EPS15L1: variants seen among roughly 807,000 people sequenced by gnomAD.
EPS15L1 encodes the protein epidermal growth factor receptor pathway substrate 15 like 1, also known as epidermal growth factor receptor substrate 15-like 1.
Under a neutral mutation model 117.1 loss-of-function variants are expected in EPS15L1, and 43 were observed. That is an observed-to-expected ratio of 0.37 (90% confidence interval 0.29 to 0.47). The LOEUF (loss-of-function observed/expected upper bound fraction) is 0.47. Among genes scored for constraint, EPS15L1 ranks in the 20% least tolerant of loss-of-function variants. The pLI is 0.99. For missense variants in EPS15L1, 981 were observed against 1,164.0 expected (o/e 0.84, Z 2.29); for synonymous variants, 459 against 470.5 (o/e 0.98, Z 0.32).
chr19:16,434,090 C>T (rs1236652915), intron 7 of EPS15L1, among the ~76,000 whole-genome samples: 24 of 152,206 alleles, frequency 1.6e-4, no homozygotes, highest in Non-Finnish European at 3.5e-4. Flanking sequence ...TCCCAAAGCC[C>T]CAGGCAGCAA....
rs879690142 is a variant in EPS15L1, at chr19:16,401,390, TTCCAGGGAGGAAGAGGAA to T, written c.1791+913_1791+930del. On this transcript the variant is annotated intron_variant, in intron 16 of 23. Transcript: ENST00000455140. ...TAGAGAGCACGAGCGCTCACTCTTA[TTCCAGGGAGGAAGAGGAA>T]TCCATGACGTACAGAGGCCCAGGAG... 6.8e-5 allele frequency: 67 copies of T among 985,428 alleles called. No individual in the cohort carries two copies. The African/African-American group carries it at 1.1e-3, about 17-fold the overall frequency. 61.0% of individuals were successfully genotyped at this position (985,428 alleles called of 1,614,324 possible).
intron 18 of EPS15L1, 65 bp from the exon 19 acceptor site, chr19:16,392,505 C>G: frequency 6.9e-7 from 1 of 1,449,936 alleles, no homozygotes; most frequent in Non-Finnish European, 9.6e-7. Flanking sequence ...CATAAAAGAA[C>G]ACATCACAGA....
At chr19:16,450,075 C>A (rs1249583990) in intron 1 of EPS15L1, among the ~76,000 whole-genome samples, 1 of 149,950 alleles carries the variant, frequency 6.7e-6, no homozygotes, top group African/African-American at 2.5e-5. Context: ...TCAACAAGAC[C>A]CTATCTCTAC....
At chr19:16,417,076 G>A (rs928707600) in intron 12 of EPS15L1, among the ~76,000 whole-genome samples, 1 of 152,242 alleles carries the variant, frequency 6.6e-6, no homozygotes, top group Non-Finnish European at 1.5e-5. Flanking sequence ...TAGCACTGGG[G>A]AGGGGCTGAT....
Position 16,365,418 on chromosome 19 carries a change from C to G in EPS15L1, c.2381-3434G>C, listed in dbSNP as rs1360027790. ...TTAGGACACAGATCTACACACAGAA[C>G]AGCAATGTGAAGATGCACCAGGCCA... On this transcript the variant is annotated intron_variant, in intron 22 of 23. Coordinates refer to ENST00000455140, the MANE Select transcript of EPS15L1 (RefSeq NM_001258374.3). This position sits in a 1 kb window ranked among gnomAD's most constrained non-coding sequence, Gnocchi z 4.9. Among the ~76,000 whole-genome samples, 2 of 152,242 alleles carry G rather than the reference C, an allele frequency of 1.3e-5. No individual in the cohort carries two copies. The highest frequency in any genetic ancestry group is 4.8e-5 in the African/African-American group (2 of 41,462).
intron 1 of EPS15L1, among the ~76,000 whole-genome samples, chr19:16,447,760 C>T (rs1244923316): frequency 1.4e-5 from 2 of 144,826 alleles, no homozygotes; most frequent in Non-Finnish European, 3.0e-5. Context: ...ACTTCATCTT[C>T]GGAAAAAAAA....
chr19:16,453,095 C>T (rs1233960600), intron 1 of EPS15L1, among the ~76,000 whole-genome samples: 7 of 152,006 alleles, frequency 4.6e-5, no homozygotes, highest in South Asian at 2.1e-4. Context: ...CCACCGCGCC[C>T]GGGCTTTATT....
At chr19:16,470,795 C>T (rs1200874455) in intron 1 of EPS15L1, among the ~76,000 whole-genome samples, 1 of 152,160 alleles carries the variant, frequency 6.6e-6, no homozygotes, top group African/African-American at 2.4e-5. Flanking sequence ...TCCCAAACGT[C>T]CAAATCTGGC....
In EPS15L1 at chr19:16,402,407, C is replaced by G; in HGVS notation, c.1705G>C (p.Asp569His). The change falls in exon 16 of 24, where the codon GAT becomes CAT. Residue 569 changes from aspartate to histidine, a missense_variant. Coordinates refer to ENST00000455140, the MANE Select transcript of EPS15L1 (RefSeq NM_001258374.3). ...RSLEQYDQVL[D>H]GAHGASLTDL... ...GTCAGGCTGGCACCATGGGCTCCATCGAGCACCTGGTCATACTGCTCCAGG... is the reference window on the plus strand; with the variant it reads ...GTCAGGCTGGCACCATGGGCTCCATGGAGCACCTGGTCATACTGCTCCAGG... The G allele has an allele frequency of 6.2e-7, 1 of 1,614,072 alleles. No individual in the cohort carries two copies. The highest frequency in any genetic ancestry group is 8.5e-7 in the Non-Finnish European group (1 of 1,179,998).
At chr19:16,412,680 C>A (rs2092718016) in intron 13 of EPS15L1, 1 of 130,074 alleles carries the variant, frequency 7.7e-6, no homozygotes, top group African/African-American at 3.6e-5. Context: ...CGAGAAAACA[C>A]CGAATGGCGG....
intron 9 of EPS15L1, among the ~76,000 whole-genome samples, chr19:16,424,169 T>C (rs918425920): frequency 2.6e-5 from 4 of 152,052 alleles, no homozygotes; most frequent in African/African-American, 9.7e-5. Flanking sequence ...GAGGGCAAAA[T>C]CGGGTGGCCC....
rs2092774911 is a variant in EPS15L1, at chr19:16,417,914, TCAATACCCCCAGGG to T, written c.1107+20_1107+33del. On this transcript the variant is annotated intron_variant, in intron 11 of 23. Coordinates refer to ENST00000455140, the MANE Select transcript of EPS15L1 (RefSeq NM_001258374.3). The stretch of plus-strand genomic sequence containing the variant: ...TGGTGGCAGGCGGTGGGAAGGGATG[TCAATACCCCCAGGG>T]CATGACCAGCACCACTCACCGGGCC... 6.3e-7 allele frequency: 1 copy of T among 1,590,316 alleles called. No individual in the cohort carries two copies. Among genetic ancestry groups the T allele is most frequent in the East Asian group, 2.2e-5 (1 of 44,640 alleles).
chr19:16,368,433 T>C (rs1026762346), intron 22 of EPS15L1, among the ~76,000 whole-genome samples: 1 of 152,144 alleles, frequency 6.6e-6, no homozygotes, highest in Admixed American at 6.5e-5. Flanking sequence ...CTCCCATTCA[T>C]CCTACACAAC....
At chr19:16,457,884 C>T (rs980543949) in intron 1 of EPS15L1, among the ~76,000 whole-genome samples, 2 of 151,870 alleles carry the variant, frequency 1.3e-5, no homozygotes. Flanking sequence ...GGGGGAACAC[C>T]GAGAGGGGCT....
At chr19:16,460,610 C>G (rs1192101566) in intron 1 of EPS15L1, among the ~76,000 whole-genome samples, 1 of 152,200 alleles carries the variant, frequency 6.6e-6, no homozygotes, top group Non-Finnish European at 1.5e-5. Flanking sequence ...ACAACCTTGC[C>G]CAGCCCATCA....
intron 21 of EPS15L1, among the ~76,000 whole-genome samples, chr19:16,380,506 C>T (rs1040863834): frequency 2.0e-5 from 3 of 150,334 alleles, no homozygotes; most frequent in African/African-American, 7.4e-5. Context: ...CCAGGGTCTA[C>T]TCACACACAC....
chr19:16,397,829 G>C (rs916937617), intron 16 of EPS15L1, among the ~76,000 whole-genome samples: 14 of 152,150 alleles, frequency 9.2e-5, no homozygotes, highest in African/African-American at 3.1e-4. Flanking sequence ...GAACAATACA[G>C]TTGGTTTAAA....
intron 19 of EPS15L1, among the ~76,000 whole-genome samples, chr19:16,389,947 C>T (rs145063792): frequency 2.6e-5 from 4 of 152,010 alleles, no homozygotes; most frequent in Admixed American, 2.6e-4. Flanking sequence ...AACATTCAAA[C>T]AATTCAAAAG....
At chr19:16,445,136 C>T (rs2093070863) in intron 1 of EPS15L1, among the ~76,000 whole-genome samples, 1 of 152,210 alleles carries the variant, frequency 6.6e-6, no homozygotes, top group African/African-American at 2.4e-5. Context: ...TATTAAATAT[C>T]TGCTCTACTT....
Sources: gnomAD v4.1 joint callset for allele counts (sites outside exome capture counted in the v4.1 genomes callset) on GRCh38, gnomAD v4.1.1 for gene constraint, Gnocchi (gnomAD v3.1) non-coding constraint, MANE v1.5 for transcripts, NCBI Gene and HGNC (gene_info 2026-07-23, HGNC 2026-07-21) for gene names.